The following B3GALNT2 variants were observed in gnomAD, a reference collection of about 807,000 sequenced individuals.
B3GALNT2 encodes beta-1,3-N-acetylgalactosaminyltransferase 2, also known as UDP-GalNAc:beta-1,3-N-acetylgalactosaminyltransferase 2.
In B3GALNT2, 53 loss-of-function variants were observed where a neutral mutation model predicts 61.1. The observed-to-expected ratio is 0.87, with a 90% CI of 0.70 to 1.09. B3GALNT2 has a LOEUF of 1.09. Ranked by LOEUF, B3GALNT2 falls within the 50% of genes least tolerant of loss-of-function variation. B3GALNT2 has a pLI of 0.00. For synonymous variants in B3GALNT2, 223 were observed against 237.4 expected (o/e 0.94, Z 0.56); for missense variants, 544 against 623.0 (o/e 0.87, Z 1.35).
intron 7 of B3GALNT2, among the ~76,000 whole-genome samples, chr1:235,462,544 A>G (rs1394376286): frequency 1.3e-5 from 2 of 152,240 alleles, no homozygotes; most frequent in Non-Finnish European, 2.9e-5. Flanking sequence ...TCAATCACAA[A>G]AACAATCTGT....
At chr1:235,494,072 C>CA (rs1463389083) in intron 2 of B3GALNT2, among the ~76,000 whole-genome samples, 1 of 152,028 alleles carries the variant, frequency 6.6e-6, no homozygotes, top group Non-Finnish European at 1.5e-5. Context: ...GGAAAAAGAG[C>CA]ATGGCATATT....
At chr1:235,479,296 A>ATC (rs1352123974) in intron 5 of B3GALNT2, 9 of 152,348 alleles carry the variant, frequency 5.9e-5, no homozygotes, top group Non-Finnish European at 1.2e-4. Flanking sequence ...TCTATAGGTG[A>ATC]TCTAAAGTGA....
At chr1:235,444,236 T>C (rs1682093062), downstream of B3GALNT2, among the ~76,000 whole-genome samples, 1 of 152,228 alleles carries the variant, frequency 6.6e-6, no homozygotes. Context: ...CATTTTTATT[T>C]ATTCACAATC....
Position 235,453,135 on chromosome 1 carries a change from T to TA in B3GALNT2, c.1322dup (p.Ser442LysfsTer12), listed in dbSNP as rs1272882078. 1.2e-6 allele frequency: 2 copies of TA among 1,612,480 alleles called. No homozygotes were observed. The highest frequency in any genetic ancestry group is 2.7e-5 in the African/African-American group (2 of 74,888). On this transcript the variant is annotated frameshift_variant, in exon 11 of 12. Transcript: ENST00000366600. LOFTEE classifies it high-confidence loss of function. The stretch of plus-strand genomic sequence containing the variant: ...TGGCAGCCATCCAGATGCCCATGCT[T>TA]ACATCTTCACCCTATACATGGCCCA...
At chr1:235,485,634 T>C (rs1207439177) in intron 3 of B3GALNT2, among the ~76,000 whole-genome samples, 1 of 152,222 alleles carries the variant, frequency 6.6e-6, no homozygotes, top group Non-Finnish European at 1.5e-5. Flanking sequence ...TGAATCAGAA[T>C]ACATTAAATA....
intron 5 of B3GALNT2, 185 bp downstream of exon 5, chr1:235,479,869 T>C: frequency 9.9e-7 from 1 of 1,008,978 alleles, no homozygotes; most frequent in Non-Finnish European, 1.3e-6. Context: ...TGAGGCCTCA[T>C]GAAGTCCTCA....
chr1:235,453,395 T>A (rs1683019327), intron 10 of B3GALNT2, among the ~76,000 whole-genome samples: 1 of 151,904 alleles, frequency 6.6e-6, no homozygotes, highest in African/African-American at 2.4e-5. Flanking sequence ...TACCTTAAGC[T>A]TCCAGGAAGC....
chr1:235,476,352 A>G (rs1312969717), intron 5 of B3GALNT2, among the ~76,000 whole-genome samples: 1 of 152,206 alleles, frequency 6.6e-6, no homozygotes, highest in African/African-American at 2.4e-5. Context: ...CAGAGGTTGC[A>G]GTGAGCGGAG....
Position 235,447,824 on chromosome 1 carries a change from G to A in B3GALNT2, c.*2382C>T, listed in dbSNP as rs528770533. Among the ~76,000 whole-genome samples, 11 of 152,238 alleles carry A rather than the reference G, an allele frequency of 7.2e-5. No individual in the cohort carries two copies. Among genetic ancestry groups the A allele is most frequent in the African/African-American group, 2.4e-4 (10 of 41,530 alleles). ...TCACTGTCAAAGGGCACTTAGGTCC[G>A]TTGGCTCCGTTTCCCACAGTTCCCC... On this transcript the variant is annotated 3_prime_UTR_variant, in exon 12 of 12. Transcript: ENST00000366600.
In B3GALNT2 at chr1:235,504,441, T is replaced by TGGCCGCGGCTTAGCC. The variant is rs1341545099; in HGVS notation, c.-190_-189insGGCTAAGCCGCGGCC. On this transcript the variant is annotated 5_prime_UTR_variant, in exon 1 of 12. Transcript: ENST00000366600. ...CTCCTCCGGTCCCTCAGACCGCGGG[T>TGGCCGCGGCTTAGCC]GGCCGCGGCTTAGCCGGCCGAAGCC... 2.2e-5 allele frequency: 12 copies of TGGCCGCGGCTTAGCC among 554,332 alleles called. No homozygotes were observed. Among genetic ancestry groups the TGGCCGCGGCTTAGCC allele is most frequent in the Non-Finnish European group, 3.2e-5 (11 of 349,088 alleles). The allele number at this position is 554,332 out of a possible 1,614,324, so 34.3% of individuals were successfully genotyped here.
chr1:235,446,752 C>T (rs1682353021), downstream of B3GALNT2, among the ~76,000 whole-genome samples: 1 of 148,036 alleles, frequency 6.8e-6, no homozygotes, highest in African/African-American at 2.5e-5. Context: ...GGATGGAGTA[C>T]AGTGGCGCGA....
chr1:235,494,613 C>A, intron 2 of B3GALNT2, 68 bp downstream of exon 2: 5 of 1,506,882 alleles, frequency 3.3e-6, no homozygotes, highest in Non-Finnish European at 4.6e-6. Flanking sequence ...CACACCACCA[C>A]GCCTGGCTAG....
rs1258479851 is a variant in B3GALNT2, at chr1:235,448,191, C to G, written c.*2015G>C. Among the ~76,000 whole-genome samples the G allele has an allele frequency of 1.5e-5, 2 of 129,728 alleles. No individual in the cohort carries two copies. Among genetic ancestry groups the G allele is most frequent in the African/African-American group, 6.2e-5 (2 of 32,104 alleles). 85.1% of individuals were successfully genotyped at this position (129,728 alleles called of 152,430 possible). A position where few individuals can be genotyped will look rare whatever the true frequency, so the allele number is the denominator to read the frequency against. On this transcript the variant is annotated 3_prime_UTR_variant, in exon 12 of 12. Coordinates refer to ENST00000366600, the MANE Select transcript of B3GALNT2 (RefSeq NM_152490.5). ...CTCCAGCCTGGGCGACAGAGCAAGACTTACTTAAGTAAGTAAGTAAGTCAG... is the reference window on the plus strand; with the variant it reads ...CTCCAGCCTGGGCGACAGAGCAAGAGTTACTTAAGTAAGTAAGTAAGTCAG...
chr1:235,480,262 C>CATGTTAGTG, intron 4 of B3GALNT2, 113 bp from the exon 5 acceptor site: 1 of 1,459,094 alleles, frequency 6.9e-7, no homozygotes, highest in Non-Finnish European at 9.1e-7. Context: ...TGGCCCTAAC[C>CATGTTAGTG]ACGGTCACTA....
chr1:235,475,264 T>C (rs922886229), intron 5 of B3GALNT2, among the ~76,000 whole-genome samples: 13 of 151,910 alleles, frequency 8.6e-5, no homozygotes, highest in African/African-American at 2.9e-4. Flanking sequence ...CCCAAAGTGC[T>C]GGGATTACAG....
At chr1:235,473,900 T>C (rs982885997) in intron 5 of B3GALNT2, among the ~76,000 whole-genome samples, 2 of 152,246 alleles carry the variant, frequency 1.3e-5, no homozygotes, top group Admixed American at 6.5e-5. Context: ...ACATGTGACA[T>C]GCTATTTCAC....
rs1169538304 is a variant in B3GALNT2 at position 235,479,694 on chromosome 1, T to TCTA, written c.651+359_651+360insTAG. Reference sequence around the variant, plus strand: ...CTTTTTTTTCTTTTCATTCTTTAGATAAGCAAATTATTTAATTTTTACCCA... The same window carrying TCTA: ...CTTTTTTTTCTTTTCATTCTTTAGATCTAAAGCAAATTATTTAATTTTTACCCA... On this transcript the variant is annotated intron_variant, in intron 5 of 11. Coordinates refer to ENST00000366600, the MANE Select transcript of B3GALNT2 (RefSeq NM_152490.5). The TCTA allele has an allele frequency of 4.2e-3, 702 of 165,790 alleles. 5 individuals carry two copies. Among genetic ancestry groups the TCTA allele is most frequent in the African/African-American group, 0.016 (673 of 42,028 alleles). 10.3% of individuals were successfully genotyped at this position (165,790 alleles called of 1,614,324 possible). A position where few individuals can be genotyped will look rare whatever the true frequency, so the allele number is the denominator to read the frequency against.
chr1:235,502,757 C>T (rs1392915329), intron 1 of B3GALNT2, among the ~76,000 whole-genome samples: 1 of 152,178 alleles, frequency 6.6e-6, no homozygotes, highest in Non-Finnish European at 1.5e-5. Flanking sequence ...AGGCCATAAA[C>T]AGACTTAATG....
chr1:235,490,988 G>C (rs1218401639), intron 2 of B3GALNT2, among the ~76,000 whole-genome samples: 2 of 151,516 alleles, frequency 1.3e-5, no homozygotes, highest in Admixed American at 1.3e-4. Context: ...TTGTTTTGTT[G>C]ACTGTCTAGA....
Sources: allele counts gnomAD v4.1 joint callset (sites outside exome capture counted in the v4.1 genomes callset), GRCh38; gene constraint gnomAD v4.1.1; transcripts MANE v1.5; gene names NCBI Gene and HGNC (gene_info 2026-07-23, HGNC 2026-07-21).